SCAI: variants seen among roughly 807,000 people sequenced by gnomAD.
The protein encoded by SCAI is suppressor of cancer cell invasion, also known as protein SCAI.
In SCAI, 24 loss-of-function variants were observed where a neutral mutation model predicts 92.2. That is an observed-to-expected ratio of 0.26 (90% CI 0.19 to 0.37). The LOEUF (loss-of-function observed/expected upper bound fraction) is 0.37, where lower values mean the gene tolerates loss of function less well. Among genes scored for constraint, SCAI ranks in the 10% least tolerant of loss-of-function variants. The pLI is 1.00. For missense variants in SCAI, 450 were observed against 736.2 expected (o/e 0.61, Z 4.50); for synonymous variants, 261 against 258.6 (o/e 1.01, Z -0.09).
At chr9:125,129,759 TG>T (rs943630673) in intron 2 of SCAI, among the ~76,000 whole-genome samples, 5 of 149,890 alleles carry the variant, frequency 3.3e-5, no homozygotes, top group African/African-American at 7.4e-5. Flanking sequence ...CCACCACGCA[TG>T]GGCAAAACAA....
chr9:125,051,379 T>A (rs117257928), intron 3 of SCAI, among the ~76,000 whole-genome samples: 2,267 of 152,322 alleles, frequency 0.015, 28 homozygotes, highest in Non-Finnish European at 0.024. Flanking sequence ...AAAATATATC[T>A]GTGGTATATT....
At position 124,945,631 on chromosome 9, in the gene SCAI, A is replaced by C. The variant is rs1831134138; in HGVS notation, c.*7176T>G. On this transcript the variant is annotated 3_prime_UTR_variant, in exon 18 of 18. Coordinates refer to ENST00000336505, the MANE Select transcript of SCAI (RefSeq NM_001144877.3). ...ATTTTAAAATTAAGAATGGTGCTTC[A>C]ATCAGTTATTAAATTAGTTATACTT... 1 of 152,192 alleles carries C rather than the reference A, an allele frequency of 6.6e-6. No individual in the cohort carries two copies. The highest frequency in any genetic ancestry group is 6.5e-5 in the Admixed American group (1 of 15,272). The allele number at this position is 152,192 out of a possible 1,614,324, so 9.4% of individuals were successfully genotyped here.
Position 125,022,315 on chromosome 9 carries a change from TAC to T in SCAI, c.513-1548_513-1547del, listed in dbSNP as rs1415720059. Among the ~76,000 whole-genome samples, 51 of 152,332 alleles carry T rather than the reference TAC, an allele frequency of 3.3e-4. 1 individual carries two copies. Among genetic ancestry groups the T allele is most frequent in the Admixed American group, 3.3e-3 (51 of 15,302 alleles). ...CAATAATACTTTCTACCTTTAAATA[TAC>T]ACACAGTATACACATAAGAAATGCG... On this transcript the variant is annotated intron_variant, in intron 6 of 17. Transcript: ENST00000336505.
chr9:125,043,718 T>G (rs1467999956), intron 3 of SCAI, among the ~76,000 whole-genome samples: 1 of 152,162 alleles, frequency 6.6e-6, no homozygotes, highest in African/African-American at 2.4e-5. Context: ...CCTCCCAGGT[T>G]CAAGCGATTC....
chr9:124,962,646 T>C (rs10819017), intron 17 of SCAI, among the ~76,000 whole-genome samples: 94,067 of 151,900 alleles, frequency 0.62, 29,452 homozygotes, highest in Admixed American at 0.66. Context: ...TAAAATGGCA[T>C]GCAACCACAA....
At chr9:125,017,282 T>C (rs1832779596) in intron 9 of SCAI, among the ~76,000 whole-genome samples, 2 of 152,186 alleles carry the variant, frequency 1.3e-5, no homozygotes, top group South Asian at 2.1e-4. Flanking sequence ...TTGTTTTTAG[T>C]CATCTAGTTC....
chr9:124,953,553 G>GA (rs1234953457), intron 17 of SCAI, among the ~76,000 whole-genome samples: 1 of 152,152 alleles, frequency 6.6e-6, no homozygotes, highest in Non-Finnish European at 1.5e-5. Context: ...TTGAACCCGG[G>GA]AGGCGGAGGT....
intron 3 of SCAI, among the ~76,000 whole-genome samples, chr9:125,037,369 G>A (rs1833219611): frequency 6.7e-6 from 1 of 150,082 alleles, no homozygotes; most frequent in African/African-American, 2.5e-5. Flanking sequence ...GAGCCAAGGA[G>A]GTCAAGACCA....
At chr9:125,108,680 C>T (rs1204020847) in intron 2 of SCAI, among the ~76,000 whole-genome samples, 3 of 148,794 alleles carry the variant, frequency 2.0e-5, no homozygotes, top group Admixed American at 2.0e-4. Context: ...GCCCGGCAGC[C>T]GCCCCGTCAG....
intron 2 of SCAI, among the ~76,000 whole-genome samples, chr9:125,106,859 C>T (rs1834812158): frequency 8.3e-6 from 1 of 120,884 alleles, no homozygotes. Context: ...TGCCACCATG[C>T]CTGGTTAATT....
At chr9:124,964,918 C>A (rs1487057973) in intron 17 of SCAI, among the ~76,000 whole-genome samples, 1 of 151,774 alleles carries the variant, frequency 6.6e-6, no homozygotes, top group African/African-American at 2.4e-5. Context: ...TGCATTTGCA[C>A]AAAATAACAG....
At chr9:125,137,300 G>A (rs1196651460) in intron 2 of SCAI, among the ~76,000 whole-genome samples, 1 of 152,180 alleles carries the variant, frequency 6.6e-6, no homozygotes, top group African/African-American at 2.4e-5. Context: ...GTAGCCTCAT[G>A]ATTCTGGACT....
At chr9:125,075,845 G>A (rs112827045) in intron 2 of SCAI, among the ~76,000 whole-genome samples, 5,649 of 152,060 alleles carry the variant, frequency 0.037, 358 homozygotes, top group African/African-American at 0.13. Context: ...GATTATAGGC[G>A]TGAGCCACCA....
In SCAI at chr9:124,945,094, A is replaced by C. The variant is rs1466510789; in HGVS notation, c.*7713T>G. 1 of 152,220 alleles carries C rather than the reference A, an allele frequency of 6.6e-6. No individual in the cohort carries two copies. Among genetic ancestry groups the C allele is most frequent in the Non-Finnish European group, 1.5e-5 (1 of 68,042 alleles). The allele number at this position is 152,220 out of a possible 1,614,324, so 9.4% of individuals were successfully genotyped here. A position where few individuals can be genotyped will look rare whatever the true frequency, so the allele number is the denominator to read the frequency against. ...AGTAGACAGACTGGAATTGTCCACCAAAATAGGAAATTGATACCCAATTTA... is the reference window on the plus strand; with the variant it reads ...AGTAGACAGACTGGAATTGTCCACCCAAATAGGAAATTGATACCCAATTTA... On this transcript the variant is annotated 3_prime_UTR_variant, in exon 18 of 18. Coordinates refer to ENST00000336505, the MANE Select transcript of SCAI (RefSeq NM_001144877.3).
intron 14 of SCAI, among the ~76,000 whole-genome samples, chr9:124,989,275 T>C (rs74542883): frequency 0.048 from 7,374 of 152,264 alleles, 476 homozygotes; most frequent in East Asian, 0.23. Context: ...ATTAGAATGC[T>C]TCATGCTTCT....
intron 15 of SCAI, among the ~76,000 whole-genome samples, chr9:124,973,875 T>C (rs1333396160): frequency 6.6e-6 from 1 of 152,168 alleles, no homozygotes; most frequent in Non-Finnish European, 1.5e-5. Flanking sequence ...TAAGCTGTCT[T>C]ATCTCATGGC....
intron 17 of SCAI, among the ~76,000 whole-genome samples, chr9:124,958,059 T>C (rs1831357898): frequency 6.6e-6 from 1 of 152,174 alleles, no homozygotes. Context: ...AAGACCTGTA[T>C]GATAAAAACT....
chr9:125,060,791 CCT>C (rs923778449), intron 2 of SCAI, among the ~76,000 whole-genome samples: 1 of 152,192 alleles, frequency 6.6e-6, no homozygotes, highest in African/African-American at 2.4e-5. Context: ...TCCAATTAAA[CCT>C]CTTTTTCTTC....
chr9:125,003,495 A>T lies in SCAI; in HGVS notation c.937T>A (p.Ser313Thr). 1.2e-6 allele frequency: 2 copies of T among 1,612,354 alleles called. No homozygotes were observed. Among genetic ancestry groups the T allele is most frequent in the Admixed American group, 3.3e-5 (2 of 60,006 alleles). The change falls in exon 10 of 18, where the codon TCC becomes ACC. Residue 313 changes from serine (S) to threonine (T), a missense_variant. This residue lies in a region of SCAI where 360 missense variants were observed against 601.8 expected (regional missense o/e 0.60). Transcript: ENST00000336505. ...ALEREPMNLASQMNKPGMQES... is the reference protein window; with the variant it reads ...ALEREPMNLATQMNKPGMQES... Reference sequence around the variant, plus strand: ...TGCATTCCTGGTTTATTCATCTGGGAAGCTAAATTCATTGGCTCCCTTTCC... The same window carrying T: ...TGCATTCCTGGTTTATTCATCTGGGTAGCTAAATTCATTGGCTCCCTTTCC...
Sources: allele counts gnomAD v4.1 joint callset (sites outside exome capture counted in the v4.1 genomes callset), GRCh38; gene constraint gnomAD v4.1.1; regional missense constraint gnomAD v4.1.1; transcripts MANE v1.5; gene names NCBI Gene and HGNC (gene_info 2026-07-23, HGNC 2026-07-21).